The following RAPGEF6 variants were observed in gnomAD, a reference collection of about 807,000 sequenced individuals.
The protein encoded by RAPGEF6 is Rap guanine nucleotide exchange factor 6.
RAPGEF6 carries 56 observed loss-of-function variants against 171.4 expected under a neutral mutation model. The observed-to-expected ratio is 0.33, with a 90% CI of 0.26 to 0.41. The LOEUF is 0.41. RAPGEF6 is among the 10% of genes least tolerant of loss of function. RAPGEF6 has a pLI of 1.00. For synonymous variants in RAPGEF6, 692 were observed against 650.1 expected (o/e 1.06, Z -0.98); for missense variants, 1,674 against 1,921.4 (o/e 0.87, Z 2.41).
intron 27 of RAPGEF6, 84 bp from the exon 28 acceptor site, chr5:131,427,375 A>G: frequency 8.4e-7 from 1 of 1,191,040 alleles, no homozygotes; most frequent in Non-Finnish European, 1.2e-6. Context: ...TAGAAAATCA[A>G]TGTCAACAAA....
Position 131,431,022 on chromosome 5 carries a change from G to A in RAPGEF6, c.4302C>T (p.Thr1434=). 1.2e-6 allele frequency: 2 copies of A among 1,614,152 alleles called. No homozygotes were observed. Among genetic ancestry groups the A allele is most frequent in the South Asian group, 2.2e-5 (2 of 91,086 alleles). ...CKGSLERKSW[T]SSSSLSDTYE... ...ACGTGTCAGACAGAGAACTGGAGGA[G>A]GTCCAACTCTTTCTCTCTAGGCTTC... The change falls in exon 26 of 28, where the codon ACC becomes ACT. Residue 1434 remains threonine, a synonymous_variant. Coordinates refer to ENST00000509018, the MANE Select transcript of RAPGEF6 (RefSeq NM_016340.6).
At chr5:131,632,485 CTCTTT>C (rs1195384520) in intron 1 of RAPGEF6, among the ~76,000 whole-genome samples, 2 of 152,176 alleles carry the variant, frequency 1.3e-5, no homozygotes, top group African/African-American at 4.8e-5. Flanking sequence ...TCTTACTCTG[CTCTTT>C]TCTTTTCTAG....
At chr5:131,579,614 G>C (rs1762816251) in intron 4 of RAPGEF6, among the ~76,000 whole-genome samples, 1 of 152,104 alleles carries the variant, frequency 6.6e-6, no homozygotes, top group African/African-American at 2.4e-5. Flanking sequence ...ACAGAGCACT[G>C]ATTGGTGCAT....
At position 131,439,223 on chromosome 5, in the gene RAPGEF6, G is replaced by T. The variant is rs530572605; in HGVS notation, c.3745+358C>A. Reference sequence around the variant, plus strand: ...TGAGCCACTGTGCCTGGCCTAAAAAGAATCTCTTACAGAAACTTTTACTTG... The same window carrying T: ...TGAGCCACTGTGCCTGGCCTAAAAATAATCTCTTACAGAAACTTTTACTTG... On this transcript the variant is annotated intron_variant, in intron 24 of 27. Coordinates refer to ENST00000509018, the MANE Select transcript of RAPGEF6 (RefSeq NM_016340.6). Among the ~76,000 whole-genome samples, 6 of 152,234 alleles carry T rather than the reference G, an allele frequency of 3.9e-5. No individual in the cohort carries two copies. In the South Asian group the frequency reaches 1.2e-3, roughly 32 times the overall value.
chr5:131,428,242 C>T (rs1018741045), intron 27 of RAPGEF6, among the ~76,000 whole-genome samples: 3 of 151,848 alleles, frequency 2.0e-5, no homozygotes, highest in African/African-American at 7.3e-5. Flanking sequence ...GACCCTGTCT[C>T]TACAAAGGAA....
chr5:131,613,509 T>C (rs183972098), intron 1 of RAPGEF6, among the ~76,000 whole-genome samples: 12 of 152,062 alleles, frequency 7.9e-5, no homozygotes, highest in African/African-American at 2.9e-4. Context: ...ACTTTTTCAA[T>C]AAAGGGCCAA....
chr5:131,485,317 G>A (rs1755811224), intron 15 of RAPGEF6, among the ~76,000 whole-genome samples: 1 of 152,202 alleles, frequency 6.6e-6, no homozygotes, highest in African/African-American at 2.4e-5. Context: ...AACTGAGACT[G>A]CCAGCTGTTT....
intron 6 of RAPGEF6, among the ~76,000 whole-genome samples, chr5:131,522,431 T>C (rs1025116610): frequency 5.3e-5 from 8 of 152,160 alleles, no homozygotes; most frequent in Non-Finnish European, 7.4e-5. Context: ...TAAAATAGGG[T>C]TCCTCATTGC....
intron 1 of RAPGEF6, among the ~76,000 whole-genome samples, chr5:131,609,729 G>A (rs1764829608): frequency 6.6e-6 from 1 of 152,182 alleles, no homozygotes; most frequent in Admixed American, 6.5e-5. Context: ...TTGATAACAA[G>A]TAGACTATAT....
chr5:131,519,625 C>A (rs1421538222), intron 7 of RAPGEF6, among the ~76,000 whole-genome samples: 2 of 152,194 alleles, frequency 1.3e-5, no homozygotes, highest in African/African-American at 4.8e-5. Flanking sequence ...TGGTCTTGAA[C>A]TCCTAACCTC....
chr5:131,539,057 TAAAG>T (rs1177191579), intron 6 of RAPGEF6, among the ~76,000 whole-genome samples: 1 of 152,240 alleles, frequency 6.6e-6, no homozygotes. Flanking sequence ...GGGCTGTAAA[TAAAG>T]AGAGAAGAGA....
At chr5:131,469,776 A>G (rs1327327425) in intron 17 of RAPGEF6, 1 of 1,472,820 alleles carries the variant, frequency 6.8e-7, no homozygotes, top group Non-Finnish European at 9.1e-7. Context: ...GGGCAATAGA[A>G]TACTACAGTC....
chr5:131,610,684 G>C (rs116426416), intron 1 of RAPGEF6, among the ~76,000 whole-genome samples: 1 of 151,370 alleles, frequency 6.6e-6, no homozygotes, highest in African/African-American at 2.4e-5. Context: ...GAGGAGAGAG[G>C]ATAAGTACCA....
intron 15 of RAPGEF6, among the ~76,000 whole-genome samples, chr5:131,484,241 TTTTTG>T (rs1755714219): frequency 7.3e-6 from 1 of 136,326 alleles, no homozygotes; most frequent in African/African-American, 2.7e-5. Flanking sequence ...TTTTTTTTTT[TTTTTG>T]AGACAGAGTC....
At chr5:131,631,920 C>T (rs182229938) in intron 1 of RAPGEF6, among the ~76,000 whole-genome samples, 34 of 151,964 alleles carry the variant, frequency 2.2e-4, no homozygotes, top group African/African-American at 8.0e-4. Context: ...ACTAAAAACA[C>T]AAAAAATTAG....
At position 131,635,218 on chromosome 5, in the gene RAPGEF6, G is replaced by T. The variant is rs1189039101; in HGVS notation, c.-188C>A. ...GGCCTCTACCCACGCGCGACTGGCC[G>T]GAGACAAGTCTGCGCGGGGGCGGGG... On this transcript the variant is annotated 5_prime_UTR_variant, in exon 1 of 28. Coordinates refer to ENST00000509018, the MANE Select transcript of RAPGEF6 (RefSeq NM_016340.6). 2 of 580,500 alleles carry T rather than the reference G, an allele frequency of 3.4e-6. No individual in the cohort carries two copies. The highest frequency in any genetic ancestry group is 3.3e-5 in the Admixed American group (1 of 29,998). The allele number at this position is 580,500 out of a possible 1,614,324, so 36.0% of individuals were successfully genotyped here.
chr5:131,571,259 A>G lies in RAPGEF6; in HGVS notation c.282-9212T>C, dbSNP rs79958475. 1.2e-3 allele frequency among the ~76,000 whole-genome samples: 177 copies of G among 152,176 alleles called. No individual in the cohort carries two copies. In the East Asian group the frequency reaches 0.02, roughly 17 times the overall value. On this transcript the variant is annotated intron_variant, in intron 4 of 27. Coordinates refer to ENST00000509018, the MANE Select transcript of RAPGEF6 (RefSeq NM_016340.6). ...GCCCCGCCCCCAACTACTTTTTATT[A>G]ATAGATTGACAACAAGGATGTTTGC...
At chr5:131,501,623 T>A (rs1757032947) in intron 11 of RAPGEF6, among the ~76,000 whole-genome samples, 1 of 151,938 alleles carries the variant, frequency 6.6e-6, no homozygotes. Context: ...GAAGGTGGGA[T>A]GCTGGGAGAC....
chr5:131,630,544 A>C (rs1315998261), intron 1 of RAPGEF6, among the ~76,000 whole-genome samples: 3 of 152,250 alleles, frequency 2.0e-5, no homozygotes, highest in African/African-American at 7.2e-5. Flanking sequence ...ATTTTCCATA[A>C]GAATATCTTT....
Sources: allele counts gnomAD v4.1 joint callset (sites outside exome capture counted in the v4.1 genomes callset), GRCh38; gene constraint gnomAD v4.1.1; transcripts MANE v1.5; gene names NCBI Gene and HGNC (gene_info 2026-07-23, HGNC 2026-07-21).